Variants in KCNB2 observed in about 807,000 individuals in gnomAD.
KCNB2 encodes potassium voltage-gated channel subfamily B member 2, also known as delayed rectifier potassium channel protein.
Under a neutral mutation model 61.5 loss-of-function variants are expected in KCNB2, and 15 were observed. The observed-to-expected ratio is 0.24, with a 90% CI of 0.16 to 0.38. KCNB2 has a LOEUF of 0.38. Among genes scored for constraint, KCNB2 ranks in the 10% least tolerant of loss-of-function variants. KCNB2 has a pLI of 1.00. For missense variants in KCNB2, 828 were observed against 1,125.2 expected (o/e 0.74, Z 3.78); for synonymous variants, 457 against 446.0 (o/e 1.02, Z -0.31).
chr8:72,912,227 C>A (rs1806309029), intron 2 of KCNB2, among the ~76,000 whole-genome samples: 1 of 152,118 alleles, frequency 6.6e-6, no homozygotes, highest in South Asian at 2.1e-4. Flanking sequence ...AAATGTGTAA[C>A]CCAACTCCAC....
Position 72,726,558 on chromosome 8 carries a change from C to A in KCNB2, c.579+158245C>A, listed in dbSNP as rs559214577. Among the ~76,000 whole-genome samples, 3 of 152,226 alleles carry A rather than the reference C, an allele frequency of 2.0e-5. No homozygotes were observed. In the South Asian group the frequency reaches 6.2e-4, roughly 32 times the overall value. On this transcript the variant is annotated intron_variant, in intron 2 of 2. Coordinates refer to ENST00000523207, the MANE Select transcript of KCNB2 (RefSeq NM_004770.3). ...CTATAAGACAGTATTAACTATGGTA[C>A]TATTTTTTATAAAAACTAATTTATA...
Position 72,909,213 on chromosome 8 carries a change from T to C in KCNB2, c.580-26722T>C, listed in dbSNP as rs78688673. Among the ~76,000 whole-genome samples the C allele has an allele frequency of 3.1e-3, 479 of 152,212 alleles. 2 individuals carry two copies. The highest frequency in any genetic ancestry group is 0.011 in the African/African-American group (468 of 41,550). ...AGGCACAGAGAGCTGTGGGCTCACA[T>C]TGGTGTAGCTCATGTGTCCCAGGTG... On this transcript the variant is annotated intron_variant, in intron 2 of 2. Transcript: ENST00000523207.
chr8:72,815,683 C>T (rs951643751), intron 2 of KCNB2, among the ~76,000 whole-genome samples: 1 of 152,132 alleles, frequency 6.6e-6, no homozygotes, highest in Non-Finnish European at 1.5e-5. Context: ...CATCTTAAAA[C>T]AAAGGGCAGG....
chr8:72,541,352 A>G (rs901644214), intron 1 of KCNB2, among the ~76,000 whole-genome samples: 1 of 152,090 alleles, frequency 6.6e-6, no homozygotes, highest in Admixed American at 6.6e-5. Flanking sequence ...TCTTACAACC[A>G]CCCTATGGTG....
intron 2 of KCNB2, among the ~76,000 whole-genome samples, chr8:72,690,770 C>T (rs1265273381): frequency 6.6e-6 from 1 of 151,934 alleles, no homozygotes; most frequent in Non-Finnish European, 1.5e-5. Context: ...ATTCAGATGC[C>T]CATGAGGGAA....
chr8:72,932,155 G>A (rs1437037361), intron 2 of KCNB2, among the ~76,000 whole-genome samples: 1 of 152,162 alleles, frequency 6.6e-6, no homozygotes, highest in Non-Finnish European at 1.5e-5. Context: ...ATGAAATGCA[G>A]AGGAACTGGG....
intron 2 of KCNB2, among the ~76,000 whole-genome samples, chr8:72,676,384 C>T (rs562377331): frequency 2.2e-4 from 33 of 151,964 alleles, no homozygotes; most frequent in Admixed American, 1.6e-3. Flanking sequence ...CCAAAAGCAT[C>T]GTGGAAAGAC....
At chr8:72,758,405 C>A (rs1808326039) in intron 2 of KCNB2, among the ~76,000 whole-genome samples, 1 of 152,130 alleles carries the variant, frequency 6.6e-6, no homozygotes, top group African/African-American at 2.4e-5. Context: ...TCCAGGCAGG[C>A]AAGGATGCTG....
chr8:72,784,947 G>C (rs908059461), intron 2 of KCNB2, among the ~76,000 whole-genome samples: 1 of 152,168 alleles, frequency 6.6e-6, no homozygotes, highest in Admixed American at 6.6e-5. Flanking sequence ...ATGTTGCCAA[G>C]TTGTATTGTG....
intron 1 of KCNB2, among the ~76,000 whole-genome samples, chr8:72,544,496 G>T (rs1016902998): frequency 1.3e-5 from 2 of 152,160 alleles, no homozygotes; most frequent in Non-Finnish European, 2.9e-5. Flanking sequence ...GACTAGTTAG[G>T]AGTCTTTCAA....
chr8:72,583,857 A>T (rs1188939439), intron 2 of KCNB2, among the ~76,000 whole-genome samples: 4 of 151,800 alleles, frequency 2.6e-5, no homozygotes, highest in Non-Finnish European at 4.4e-5. Flanking sequence ...GTTTATGGGT[A>T]CATTGTCCTA....
At chr8:72,652,509 CT>C (rs1806228266) in intron 2 of KCNB2, among the ~76,000 whole-genome samples, 1 of 152,014 alleles carries the variant, frequency 6.6e-6, no homozygotes, top group East Asian at 1.9e-4. Flanking sequence ...TGTTAAAAGC[CT>C]TCCAATGGCT....
intron 2 of KCNB2, among the ~76,000 whole-genome samples, chr8:72,642,645 A>T (rs1358835922): frequency 6.6e-6 from 1 of 152,160 alleles, no homozygotes; most frequent in African/African-American, 2.4e-5. Flanking sequence ...GCCCACCTAC[A>T]CAACAGAAGA....
At chr8:72,782,725 T>A (rs2128998043) in intron 2 of KCNB2, among the ~76,000 whole-genome samples, 1 of 152,244 alleles carries the variant, frequency 6.6e-6, no homozygotes, top group Middle Eastern at 3.4e-3. Flanking sequence ...ATTTTCCCAA[T>A]ATTTGTCTCG....
chr8:72,636,314 T>C (rs1805965010), intron 2 of KCNB2, among the ~76,000 whole-genome samples: 1 of 152,164 alleles, frequency 6.6e-6, no homozygotes, highest in African/African-American at 2.4e-5. Context: ...CTACTTATTA[T>C]AGCAAATATG....
chr8:72,914,972 T>C (rs1471563033), intron 2 of KCNB2, among the ~76,000 whole-genome samples: 1 of 151,864 alleles, frequency 6.6e-6, no homozygotes, highest in Non-Finnish European at 1.5e-5. Context: ...TGGCAGGATC[T>C]TGGCTCACTA....
intron 2 of KCNB2, among the ~76,000 whole-genome samples, chr8:72,722,106 C>T (rs1303176566): frequency 2.0e-5 from 3 of 152,176 alleles, no homozygotes; most frequent in Non-Finnish European, 4.4e-5. Flanking sequence ...AAATCCTGTA[C>T]ATTTGCCTCC....
intron 2 of KCNB2, among the ~76,000 whole-genome samples, chr8:72,794,695 G>C (rs1395851604): frequency 6.6e-6 from 1 of 151,870 alleles, no homozygotes; most frequent in Non-Finnish European, 1.5e-5. Context: ...TCAACTTGCT[G>C]ATTGGTCAGT....
At chr8:72,745,673 G>A (rs750413205) in intron 2 of KCNB2, among the ~76,000 whole-genome samples, 45 of 151,992 alleles carry the variant, frequency 3.0e-4, no homozygotes, top group African/African-American at 9.2e-4. Flanking sequence ...GTTTTTAATG[G>A]GGTTTTATTA....
Sources: gnomAD v4.1 joint callset for allele counts (sites outside exome capture counted in the v4.1 genomes callset) on GRCh38, gnomAD v4.1.1 for gene constraint, MANE v1.5 for transcripts, NCBI Gene and HGNC (gene_info 2026-07-23, HGNC 2026-07-21) for gene names.